Variants in PPM1L observed in about 807,000 individuals in gnomAD.
PPM1L encodes protein phosphatase 1L.
PPM1L carries 13 observed loss-of-function variants against 31.4 expected under a neutral mutation model. The ratio of observed to expected loss-of-function variants is 0.41; its 90% confidence interval spans 0.27 to 0.66. The LOEUF (loss-of-function observed/expected upper bound fraction) is 0.66, where lower values mean the gene tolerates loss of function less well. Among genes scored for constraint, PPM1L ranks in the 30% least tolerant of loss-of-function variants. The pLI is 0.29. For synonymous variants in PPM1L, 184 were observed against 175.4 expected, an observed-to-expected ratio of 1.05 and a Z score of -0.39; for missense variants, 326 against 453.7, an observed-to-expected ratio of 0.72 and a Z score of 2.56.
intron 1 of PPM1L, among the ~76,000 whole-genome samples, chr3:160,842,693 G>A (rs1713921731): frequency 1.3e-5 from 2 of 152,092 alleles, no homozygotes; most frequent in Non-Finnish European, 2.9e-5. Flanking sequence ...GTCTTAAAAT[G>A]CATTAATTCA....
chr3:161,037,540 G>A (rs939795770), intron 2 of PPM1L, among the ~76,000 whole-genome samples: 23 of 149,556 alleles, frequency 1.5e-4, no homozygotes, highest in Admixed American at 8.1e-4. Flanking sequence ...TCAGCCTTCC[G>A]AGTAGCTGGG....
intron 1 of PPM1L, among the ~76,000 whole-genome samples, chr3:160,909,451 T>G (rs191816513): frequency 2.6e-5 from 4 of 152,306 alleles, no homozygotes; most frequent in Non-Finnish European, 5.9e-5. Context: ...TTTAGACTTA[T>G]TAAGTTTGAG....
chr3:160,925,823 A>G (rs191837831), intron 1 of PPM1L, among the ~76,000 whole-genome samples: 1 of 152,312 alleles, frequency 6.6e-6, no homozygotes, highest in Non-Finnish European at 1.5e-5. Flanking sequence ...GGGTAGGGCC[A>G]GAGAAAGGAC....
At chr3:160,817,137 T>G (rs1011018785) in intron 1 of PPM1L, among the ~76,000 whole-genome samples, 19 of 152,088 alleles carry the variant, frequency 1.2e-4, no homozygotes, top group African/African-American at 3.9e-4. Flanking sequence ...AGTGGTCTTC[T>G]TGATCTCATA....
At chr3:160,897,196 C>T (rs1713365003) in intron 1 of PPM1L, among the ~76,000 whole-genome samples, 1 of 152,046 alleles carries the variant, frequency 6.6e-6, no homozygotes, top group South Asian at 2.1e-4. Context: ...GCGCCTGCCA[C>T]CACACCCAGC....
intron 2 of PPM1L, among the ~76,000 whole-genome samples, chr3:161,020,396 A>T (rs1718207921): frequency 6.6e-6 from 1 of 152,168 alleles, no homozygotes; most frequent in African/African-American, 2.4e-5. Flanking sequence ...CTTCTAATAA[A>T]GCTGATTGAG....
At chr3:160,785,626 A>G (rs1711886422) in intron 1 of PPM1L, among the ~76,000 whole-genome samples, 1 of 152,162 alleles carries the variant, frequency 6.6e-6, no homozygotes, top group Non-Finnish European at 1.5e-5. Flanking sequence ...CATGTTATGT[A>G]AACTCTTCTG....
rs1559943623 is a variant in PPM1L at position 161,068,867 on chromosome 3, C to T, written c.793C>T (p.Arg265Trp). ...GGTCCAGGGAATCCTGGCCATGTCT[C>T]GGTCCCTGGGGGATTATCCGCTGAA... ...WRVQGILAMS[R>W]SLGDYPLKNL... The change falls in exon 4 of 4, where the codon CGG (arginine) becomes TGG (tryptophan). Residue 265 changes from arginine to tryptophan, a missense_variant. By Grantham distance (101) the Arg-to-Trp change is moderately radical. This residue lies in a region of PPM1L where 201 missense variants were observed against 298.2 expected (regional missense o/e 0.67). Transcript: ENST00000498165. The T allele has an allele frequency of 2.5e-6, 4 of 1,614,110 alleles. No individual in the cohort carries two copies. Among genetic ancestry groups the T allele is most frequent in the Non-Finnish European group, 2.5e-6 (3 of 1,180,024 alleles).
intron 1 of PPM1L, among the ~76,000 whole-genome samples, chr3:160,926,571 G>T (rs1044368793): frequency 6.6e-6 from 1 of 152,146 alleles, no homozygotes; most frequent in Admixed American, 6.5e-5. Context: ...TGCTGAATAT[G>T]TTCCAGGGTA....
chr3:160,835,073 C>CTTCTTCTTCTTCTTCT (rs1713665056), intron 1 of PPM1L, among the ~76,000 whole-genome samples: 1 of 140,566 alleles, frequency 7.1e-6, no homozygotes, highest in African/African-American at 3.0e-5. Context: ...TCTTCTTCTT[C>CTTCTTCTTCTTCTTCT]TTCTTCTTCT....
At chr3:160,881,894 A>G (rs1712732853) in intron 1 of PPM1L, among the ~76,000 whole-genome samples, 1 of 152,132 alleles carries the variant, frequency 6.6e-6, no homozygotes, top group South Asian at 2.1e-4. Flanking sequence ...TACTAAAAAT[A>G]CAAAAAATTA....
At chr3:160,912,277 A>G (rs73875423) in intron 1 of PPM1L, among the ~76,000 whole-genome samples, 6,999 of 152,280 alleles carry the variant, frequency 0.046, 492 homozygotes, top group African/African-American at 0.15. Context: ...TCTATTTGCC[A>G]TCTCTGAGCA....
chr3:160,961,728 A>T lies in PPM1L; in HGVS notation c.400-8A>T. On this transcript the variant is annotated splice_region_variant and splice_polypyrimidine_tract_variant and intron_variant, in intron 1 of 3. Coordinates refer to ENST00000498165, the MANE Select transcript of PPM1L (RefSeq NM_139245.4). ...GGAGTTCTCTCTCTCTGACTGTTTT[A>T]TCTGCAGACTGCAGCTGAATATGTA... The T allele has an allele frequency of 6.4e-7, 1 of 1,572,006 alleles. No individual in the cohort carries two copies. Among genetic ancestry groups the T allele is most frequent in the Non-Finnish European group, 8.6e-7 (1 of 1,165,618 alleles).
At chr3:160,831,427 T>G (rs1386101099) in intron 1 of PPM1L, among the ~76,000 whole-genome samples, 1 of 152,210 alleles carries the variant, frequency 6.6e-6, no homozygotes, top group Admixed American at 6.5e-5. Context: ...TGATCTAATT[T>G]GAGTGGAATT....
intron 1 of PPM1L, among the ~76,000 whole-genome samples, chr3:160,771,658 A>G (rs1200087903): frequency 6.6e-6 from 1 of 150,622 alleles, no homozygotes; most frequent in African/African-American, 2.4e-5. Context: ...CAGAATAAAC[A>G]TGTGACTTTG....
intron 1 of PPM1L, among the ~76,000 whole-genome samples, chr3:160,835,090 T>TTC (rs1553810715): frequency 3.0e-4 from 43 of 144,826 alleles, no homozygotes; most frequent in African/African-American, 1.0e-3. Context: ...TTCTTCTTTC[T>TTC]TTTTTCTTTC....
intron 1 of PPM1L, among the ~76,000 whole-genome samples, chr3:160,779,592 G>A (rs886202210): frequency 6.6e-6 from 1 of 151,746 alleles, no homozygotes; most frequent in Non-Finnish European, 1.5e-5. Context: ...GCACCATCTC[G>A]GCCCACTGCA....
intron 1 of PPM1L, among the ~76,000 whole-genome samples, chr3:160,897,629 C>T (rs918969001): frequency 6.6e-6 from 1 of 152,198 alleles, no homozygotes; most frequent in Non-Finnish European, 1.5e-5. Context: ...TTTCTTTTTC[C>T]TGATTTGTAA....
chr3:161,010,352 T>C (rs887075156), intron 2 of PPM1L, among the ~76,000 whole-genome samples: 2 of 152,168 alleles, frequency 1.3e-5, no homozygotes, highest in Admixed American at 1.3e-4. Context: ...TATGGCTGCA[T>C]AGTATTCCAT....
Sources: allele counts gnomAD v4.1 joint callset (sites outside exome capture counted in the v4.1 genomes callset), GRCh38; gene constraint gnomAD v4.1.1; regional missense constraint gnomAD v4.1.1; transcripts MANE v1.5; gene names NCBI Gene and HGNC (gene_info 2026-07-23, HGNC 2026-07-21).